The following USP45 variants were observed in gnomAD, a reference collection of about 807,000 sequenced individuals.
The protein encoded by USP45 is ubiquitin carboxyl-terminal hydrolase 45.
In USP45, 89 loss-of-function variants were observed where a neutral mutation model predicts 95.8. That is an observed-to-expected ratio of 0.93 (90% CI 0.78 to 1.11). The LOEUF (loss-of-function observed/expected upper bound fraction) is 1.11. Among genes scored for constraint, USP45 ranks in the 50% least tolerant of loss-of-function variants. The pLI is 0.00. For synonymous variants in USP45, 281 were observed against 316.2 expected (o/e 0.89, Z 1.18); for missense variants, 898 against 942.5 (o/e 0.95, Z 0.62).
chr6:99,479,485 G>A (rs1164066952), intron 8 of USP45, among the ~76,000 whole-genome samples: 3 of 150,680 alleles, frequency 2.0e-5, no homozygotes, highest in Non-Finnish European at 4.4e-5. Flanking sequence ...ACAGGCATGA[G>A]CCACTGTGTC....
At chr6:99,502,126 C>T in intron 5 of USP45, 1 of 1,097,636 alleles carries the variant, frequency 9.1e-7, no homozygotes, top group Non-Finnish European at 1.1e-6. Flanking sequence ...ATAAAACTCT[C>T]CACACCAAAA....
At chr6:99,494,960 G>A (rs1478914169) in intron 5 of USP45, among the ~76,000 whole-genome samples, 2 of 152,024 alleles carry the variant, frequency 1.3e-5, no homozygotes, top group African/African-American at 4.8e-5. Context: ...AAAAGTACCA[G>A]CAAATTTTAG....
chr6:99,483,559 C>A (rs1439978602), intron 7 of USP45, among the ~76,000 whole-genome samples: 2 of 152,272 alleles, frequency 1.3e-5, no homozygotes, highest in African/African-American at 4.8e-5. Context: ...TATCTTCCGG[C>A]CGGGCGCGGT....
chr6:99,439,773 C>T lies in USP45; in HGVS notation c.2156G>A (p.Cys719Tyr), dbSNP rs748444346. 3.1e-6 allele frequency: 5 copies of T among 1,590,398 alleles called. No homozygotes were observed. The highest frequency in any genetic ancestry group is 4.3e-6 in the Non-Finnish European group (5 of 1,167,430). ...LDLAPFCSAT[C>Y]KNASVGDKVL... The stretch of plus-strand genomic sequence containing the variant: ...AAATATCTTAATATACTGTACCTTA[C>T]AAGTAGCAGAGCAGAATGGTGCTAA... Residue 719 changes from cysteine to tyrosine, a missense_variant, in exon 16 of 18, where the codon TGT becomes TAT. Coordinates refer to ENST00000500704, the MANE Select transcript of USP45 (RefSeq NM_001346022.3).
intron 5 of USP45, chr6:99,502,086 A>C: frequency 8.1e-7 from 1 of 1,231,652 alleles, no homozygotes; most frequent in Non-Finnish European, 1.0e-6. Flanking sequence ...CCAATGATTC[A>C]ATCAATCATG....
chr6:99,485,902 T>G (rs781730620), intron 7 of USP45, among the ~76,000 whole-genome samples: 1 of 152,172 alleles, frequency 6.6e-6, no homozygotes, highest in Non-Finnish European at 1.5e-5. Context: ...TCTCAATAGA[T>G]GTGGGAAAAG....
chr6:99,443,512 T>C, intron 15 of USP45, 53 bp downstream of exon 15: 1 of 1,272,086 alleles, frequency 7.9e-7, no homozygotes, highest in Non-Finnish European at 1.1e-6. Context: ...CTATAGGACT[T>C]AATGCTCTGT....
chr6:99,515,879 A>G (rs1450326908), upstream of USP45, among the ~76,000 whole-genome samples: 2 of 141,092 alleles, frequency 1.4e-5, no homozygotes, highest in Non-Finnish European at 3.0e-5. Flanking sequence ...GGTTCACGCC[A>G]TTCTACTGCC....
intron 14 of USP45, among the ~76,000 whole-genome samples, 197 bp from the exon 15 acceptor site, chr6:99,443,859 A>G (rs1039337262): frequency 2.6e-5 from 4 of 152,210 alleles, no homozygotes; most frequent in African/African-American, 9.6e-5. Context: ...TAAGGCACAC[A>G]GTTAATAAGA....
At chr6:99,511,130 A>G (rs926865144) in intron 1 of USP45, among the ~76,000 whole-genome samples, 20 of 152,090 alleles carry the variant, frequency 1.3e-4, no homozygotes, top group African/African-American at 4.8e-4. Context: ...AGTTAAAAGA[A>G]CAGTATAATG....
rs1483864105 is a variant in USP45, at chr6:99,445,942, G to A, written c.1830C>T (p.Ser610=). Residue 610 remains serine (S), a synonymous_variant, in exon 14 of 18, where the codon AGC becomes AGT. Transcript: ENST00000500704. ...AACATTCTTTAGAAGTAGTTATATA[G>A]CTCTGAGAAAGGGTCTGAAAAGCAT... ...PQNAFQTLSQ[S]YITTSKECSI... is the part of the protein sequence containing the mutation. 5 of 1,614,058 alleles carry A rather than the reference G, an allele frequency of 3.1e-6. No homozygotes were observed. The highest frequency in any genetic ancestry group is 2.2e-5 in the South Asian group (2 of 91,084).
At chr6:99,457,156 A>T (rs1785284970) in intron 13 of USP45, among the ~76,000 whole-genome samples, 1 of 152,128 alleles carries the variant, frequency 6.6e-6, no homozygotes, top group Non-Finnish European at 1.5e-5. Context: ...TGGTGCCCAA[A>T]ACTTCATTAG....
chr6:99,468,486 A>C, intron 10 of USP45, 51 bp downstream of exon 10: 1 of 1,211,970 alleles, frequency 8.3e-7, no homozygotes, highest in Non-Finnish European at 1.2e-6. Flanking sequence ...AACTAAAATA[A>C]AATTTTAATA....
chr6:99,482,697 A>G, intron 8 of USP45, 56 bp downstream of exon 8: 2 of 1,476,854 alleles, frequency 1.4e-6, no homozygotes, highest in South Asian at 1.5e-5. Context: ...TTAAATGATG[A>G]ATACATTAGT....
chr6:99,468,325 G>C (rs1280904638), intron 10 of USP45, among the ~76,000 whole-genome samples: 1 of 151,986 alleles, frequency 6.6e-6, no homozygotes, highest in African/African-American at 2.4e-5. Context: ...CTGTATACTT[G>C]GTATAGCTTT....
At chr6:99,472,837 C>A (rs370831160) in intron 9 of USP45, among the ~76,000 whole-genome samples, 1 of 152,114 alleles carries the variant, frequency 6.6e-6, no homozygotes, top group South Asian at 2.1e-4. Flanking sequence ...CTACTGACTA[C>A]AGATGTCCAA....
At chr6:99,485,329 A>G (rs193107195) in intron 7 of USP45, among the ~76,000 whole-genome samples, 116 of 152,242 alleles carry the variant, frequency 7.6e-4, no homozygotes, top group African/African-American at 2.7e-3. Flanking sequence ...TGGGTGACAG[A>G]GCAAGACTCC....
chr6:99,491,101 AC>A (rs1321729540), intron 5 of USP45, among the ~76,000 whole-genome samples: 1 of 152,210 alleles, frequency 6.6e-6, no homozygotes, highest in Non-Finnish European at 1.5e-5. Flanking sequence ...GCAGAAAAGA[AC>A]TAGCAAGATA....
intron 5 of USP45, 98 bp from the exon 6 acceptor site, chr6:99,488,918 A>G: frequency 1.1e-6 from 1 of 925,224 alleles, no homozygotes; most frequent in Non-Finnish European, 1.5e-6. Context: ...TTTAAATAAG[A>G]TTATCTCCCT....
Sources: allele counts gnomAD v4.1 joint callset (sites outside exome capture counted in the v4.1 genomes callset), GRCh38; gene constraint gnomAD v4.1.1; transcripts MANE v1.5; gene names NCBI Gene and HGNC (gene_info 2026-07-23, HGNC 2026-07-21).